PCP2: variants seen among roughly 807,000 people sequenced by gnomAD.
The protein encoded by PCP2 is Purkinje cell protein 2, also known as Purkinje cell protein 2 homolog.
A neutral mutation model predicts 18.3 loss-of-function variants in PCP2; 21 were observed. The observed-to-expected ratio is 1.14, with a 90% CI of 0.81 to 1.65. PCP2 has a LOEUF of 1.65. PCP2 is among the 40% of genes most tolerant of loss of function. The probability of loss-of-function intolerance (pLI) is 0.00; values close to 1 mark genes in which losing one functional copy is unlikely to be tolerated. For synonymous variants in PCP2, 85 were observed against 77.6 expected (o/e 1.10, Z -0.50); for missense variants, 202 against 201.8 (o/e 1.00, Z 0.00).
At position 7,632,360 on chromosome 19, in the gene PCP2, G is replaced by A; in HGVS notation, c.291+33C>T. The A allele has an allele frequency of 6.2e-7, 1 of 1,612,346 alleles. No individual in the cohort carries two copies. Among genetic ancestry groups the A allele is most frequent in the Non-Finnish European group, 8.5e-7 (1 of 1,179,532 alleles). On this transcript the variant is annotated intron_variant, in intron 3 of 3. Transcript: ENST00000311069. The surrounding 1 kb of genome is among the most constrained non-coding windows in gnomAD (Gnocchi z 5.2). ...AGGATCGGAGAGCACTGCCTGGCGG[G>A]TTTCTCCTCGACATCGCCAGAACAT...
At chr19:7,634,569 T>C (rs113525860), upstream of PCP2, among the ~76,000 whole-genome samples, 3 of 152,372 alleles carry the variant, frequency 2.0e-5, no homozygotes, top group Non-Finnish European at 4.4e-5. Flanking sequence ...GAGGTCTCAC[T>C]ATTTTGCCCA....
At chr19:7,635,073 G>T (rs963898395), upstream of PCP2, among the ~76,000 whole-genome samples, 3 of 152,230 alleles carry the variant, frequency 2.0e-5, no homozygotes. Flanking sequence ...ATCCTATTGT[G>T]GGGTATTGGG....
chr19:7,631,632 GTTTTATTC>G lies in PCP2; in HGVS notation c.*49_*56del. 6.9e-7 allele frequency: 1 copy of G among 1,455,106 alleles called. No individual in the cohort carries two copies. Among genetic ancestry groups the G allele is most frequent in the East Asian group, 2.6e-5 (1 of 38,022 alleles). The allele number at this position is 1,455,106 out of a possible 1,614,324, so 90.1% of individuals were successfully genotyped here. ...TCAGTTCCTTGTTATTCATTTAAGT[GTTTTATTC>G]TTTTATCAGTTTTTGGGGGCCGAGT... On this transcript the variant is annotated 3_prime_UTR_variant, in exon 4 of 4. Transcript: ENST00000311069.
chr19:7,635,890 C>A (rs938705941), upstream of PCP2, among the ~76,000 whole-genome samples: 2 of 152,268 alleles, frequency 1.3e-5, no homozygotes, highest in South Asian at 4.1e-4. Flanking sequence ...TGACCTTGTC[C>A]TACAGAAGTC....
chr19:7,632,357 C>A lies in PCP2; in HGVS notation c.291+36G>T, dbSNP rs148587333. 8 of 1,611,486 alleles carry A rather than the reference C, an allele frequency of 5.0e-6. No individual in the cohort carries two copies. The highest frequency in any genetic ancestry group is 6.8e-6 in the Non-Finnish European group (8 of 1,179,140). ...GGCAGGATCGGAGAGCACTGCCTGG[C>A]GGGTTTCTCCTCGACATCGCCAGAA... On this transcript the variant is annotated intron_variant, in intron 3 of 3. Coordinates refer to ENST00000311069, the MANE Select transcript of PCP2 (RefSeq NM_174895.3). The surrounding 1 kb of genome is among the most constrained non-coding windows in gnomAD (Gnocchi z 5.2).
At chr19:7,633,371 T>G in intron 1 of PCP2, 36 bp downstream of exon 1, 572 of 1,543,450 alleles carry the variant, frequency 3.7e-4, no homozygotes, top group Non-Finnish European at 4.6e-4. Flanking sequence ...TCTGAGACCT[T>G]GAGCTGGGGG....
chr19:7,633,295 CA>C, intron 1 of PCP2, 111 bp downstream of exon 1: 1 of 1,116,470 alleles, frequency 9.0e-7, no homozygotes. Flanking sequence ...ACAACTGGGT[CA>C]GGGGGTCCTA....
In PCP2 at chr19:7,633,040, G is replaced by A. The variant is rs566949988; in HGVS notation, c.52-210C>T. Reference sequence around the variant, plus strand: ...TCCCGGCCCCCGCCCCAGGGGCCCTGGCCAGCAGTGCCACTTCACGTGGTA... The same window carrying A: ...TCCCGGCCCCCGCCCCAGGGGCCCTAGCCAGCAGTGCCACTTCACGTGGTA... On this transcript the variant is annotated intron_variant, in intron 1 of 3. Coordinates refer to ENST00000311069, the MANE Select transcript of PCP2 (RefSeq NM_174895.3). 516 of 1,417,950 alleles carry A rather than the reference G, an allele frequency of 3.6e-4. 4 individuals are homozygous for A. The South Asian group carries it at 7.1e-3, about 19-fold the overall frequency. The allele number at this position is 1,417,950 out of a possible 1,614,324, so 87.8% of individuals were successfully genotyped here.
Position 7,632,457 on chromosome 19 carries a change from C to G in PCP2, c.227G>C (p.Arg76Pro). ...TGTCACACGTTGGTCATCCATGCGG[C>G]GGCCCTGGGTACTGGCCAGCATGTC... is the stretch of plus-strand genomic sequence containing the variant. ...LMDMLASTQG[R>P]RMDDQRVTVS... The change falls in exon 3 of 4, where the codon CGC (arginine) becomes CCC (proline). Residue 76 changes from arginine to proline, a missense_variant. Physicochemically the swap from Arg to Pro is moderately radical, Grantham distance 103. Transcript: ENST00000311069. The surrounding 1 kb of genome is among the most constrained non-coding windows in gnomAD (Gnocchi z 5.2). The G allele has an allele frequency of 6.2e-7, 1 of 1,613,800 alleles. No individual in the cohort carries two copies.
At position 7,632,681 on chromosome 19, in the gene PCP2, C is replaced by T. The variant is rs780028440; in HGVS notation, c.166+35G>A. 1.1e-5 allele frequency: 17 copies of T among 1,548,464 alleles called. No individual in the cohort carries two copies. The highest frequency in any genetic ancestry group is 4.8e-5 in the East Asian group (2 of 41,648). ...TTGCCCTGCACTCCCACCCCGTTCA[C>T]GCCCCATGGACAGCACCCCCGTGCC... On this transcript the variant is annotated intron_variant, in intron 2 of 3. Transcript: ENST00000311069. The surrounding 1 kb of genome is among the most constrained non-coding windows in gnomAD (Gnocchi z 5.2).
chr19:7,633,442 C>T lies in PCP2; in HGVS notation c.16G>A (p.Glu6Lys), dbSNP rs758853046. The T allele has an allele frequency of 3.2e-6, 5 of 1,577,258 alleles. No individual in the cohort carries two copies. The highest frequency in any genetic ancestry group is 2.7e-5 in the African/African-American group (2 of 74,484). MMDQE[E>K]KTEEGSGPCA... ...GGGCCTGAGCCTTCCTCCGTCTTCT[C>T]CTCCTGATCCATCATGTCCCTGGAC... The change falls in exon 1 of 4, where the codon GAG becomes AAG. Residue 6 changes from glutamate to lysine, a missense_variant. Glu to Lys is a moderately conservative substitution (Grantham distance 56). Transcript: ENST00000311069.
Position 7,632,299 on chromosome 19 carries a change from G to T in PCP2, c.291+94C>A, listed in dbSNP as rs1206216366. On this transcript the variant is annotated intron_variant, in intron 3 of 3. Coordinates refer to ENST00000311069, the MANE Select transcript of PCP2 (RefSeq NM_174895.3). This position sits in a 1 kb window ranked among gnomAD's most constrained non-coding sequence, Gnocchi z 5.2. ...CAGGGCAGCGGATGGACAGAGATGG[G>T]GCAGGCCCTGTTCCCTCCTGGCTGG... The T allele has an allele frequency of 1.9e-6, 3 of 1,551,758 alleles. No homozygotes were observed. The East Asian group carries it at 6.7e-5, about 35-fold the overall frequency.
Position 7,632,883 on chromosome 19 carries a change from C to G in PCP2, c.52-53G>C, listed in dbSNP as rs2031386310. ...GGCCCTTCAGCTTGGGGGCCCCTCCCCAAACTTCCTAGCCAGCTTGCTCAC... is the reference window on the plus strand; with the variant it reads ...GGCCCTTCAGCTTGGGGGCCCCTCCGCAAACTTCCTAGCCAGCTTGCTCAC... On this transcript the variant is annotated intron_variant, in intron 1 of 3. Coordinates refer to ENST00000311069, the MANE Select transcript of PCP2 (RefSeq NM_174895.3). This position sits in a 1 kb window ranked among gnomAD's most constrained non-coding sequence, Gnocchi z 5.2. 6.5e-7 allele frequency: 1 copy of G among 1,532,706 alleles called. No homozygotes were observed. The allele number at this position is 1,532,706 out of a possible 1,614,324, so 94.9% of individuals were successfully genotyped here.
chr19:7,631,802 C>T lies in PCP2; in HGVS notation c.298G>A (p.Ala100Thr). 1 of 1,414,308 alleles carries T rather than the reference C, an allele frequency of 7.1e-7. No individual in the cohort carries two copies. The highest frequency in any genetic ancestry group is 9.3e-7 in the Non-Finnish European group (1 of 1,079,892). The allele number at this position is 1,414,308 out of a possible 1,614,324, so 87.6% of individuals were successfully genotyped here. A position where few individuals can be genotyped will look rare whatever the true frequency, so the allele number is the denominator to read the frequency against. The part of the protein sequence containing the change: ...GFQPVGSKDG[A>T]QKRAGTLSPQ... ...CTGAGGGTCCCAGCTCGTTTCTGTG[C>T]TCCGTCCTGTGGATGAAGAGGGGTC... is the stretch of plus-strand genomic sequence containing the variant. Residue 100 changes from alanine to threonine, a missense_variant, in exon 4 of 4, where the codon GCA (alanine) becomes ACA (threonine). Ala to Thr is a moderately conservative substitution (Grantham distance 58). Transcript: ENST00000311069.
chr19:7,633,000 G>A lies in PCP2; in HGVS notation c.52-170C>T. The A allele has an allele frequency of 1.5e-6, 1 of 678,704 alleles. No homozygotes were observed. The highest frequency in any genetic ancestry group is 2.9e-5 in the South Asian group (1 of 34,904). The allele number at this position is 678,704 out of a possible 1,614,324, so 42.0% of individuals were successfully genotyped here. A position where few individuals can be genotyped will look rare whatever the true frequency, so the allele number is the denominator to read the frequency against. ...TGCAGAGCTGTTCTGAATGAGACAT[G>A]AGTCTCCTTCCCAATCCCGGCCCCC... On this transcript the variant is annotated intron_variant, in intron 1 of 3. Coordinates refer to ENST00000311069, the MANE Select transcript of PCP2 (RefSeq NM_174895.3). This position sits in a 1 kb window ranked among gnomAD's most constrained non-coding sequence, Gnocchi z 5.2.
chr19:7,633,581 C>T lies in PCP2; in HGVS notation c.-124G>A. The T allele has an allele frequency of 1.2e-6, 1 of 842,962 alleles. No homozygotes were observed. The highest frequency in any genetic ancestry group is 1.6e-5 in the South Asian group (1 of 61,340). 52.2% of individuals were successfully genotyped at this position (842,962 alleles called of 1,614,324 possible). ...CATCCCCAAATCCCCAGCTCATGCC[C>T]CATCTGCTCCCACCCAAGCTTAAGC... On this transcript the variant is annotated 5_prime_UTR_variant, in exon 1 of 4. Transcript: ENST00000311069.
Position 7,632,777 on chromosome 19 carries a change from G to A in PCP2, c.105C>T (p.Gly35=), listed in dbSNP as rs141790809. ...AACAGCGCTGTCCCTCCATCCGGTC[G>A]CCCTGCACGTGGCTCAGCAGATTGA... ...GFFNLLSHVQ[G]DRMEGQRCSL... The change falls in exon 2 of 4, where the codon GGC becomes GGT. Residue 35 remains glycine (G), a synonymous_variant. Transcript: ENST00000311069. The surrounding 1 kb of genome is among the most constrained non-coding windows in gnomAD (Gnocchi z 5.2). The A allele has an allele frequency of 1.1e-3, 1,655 of 1,566,734 alleles. 3 individuals carry two copies. Among genetic ancestry groups the A allele is most frequent in the East Asian group, 3.9e-3 (164 of 42,300 alleles).
rs2146195468 is a variant in PCP2, at chr19:7,632,062, A to G, written c.292-254T>C. ...GAAGTCAACAGATGTGAGTATACAG[A>G]TGTATATATCCTATGTGTGAGCTTA... is the stretch of plus-strand genomic sequence containing the variant. On this transcript the variant is annotated intron_variant, in intron 3 of 3. Transcript: ENST00000311069. This position sits in a 1 kb window ranked among gnomAD's most constrained non-coding sequence, Gnocchi z 5.2. 5 of 533,514 alleles carry G rather than the reference A, an allele frequency of 9.4e-6. No individual in the cohort carries two copies. The highest frequency in any genetic ancestry group is 1.6e-5 in the Non-Finnish European group (5 of 304,872). The allele number at this position is 533,514 out of a possible 1,614,324, so 33.0% of individuals were successfully genotyped here.
chr19:7,633,051 C>T (rs566095796), intron 1 of PCP2: 3 of 1,395,796 alleles, frequency 2.1e-6, no homozygotes, highest in East Asian at 2.5e-5. Context: ...GCCAGCAGTG[C>T]CACTTCACGT....
Sources: gnomAD v4.1 joint callset for allele counts (sites outside exome capture counted in the v4.1 genomes callset) on GRCh38, gnomAD v4.1.1 for gene constraint, Gnocchi (gnomAD v3.1) non-coding constraint, MANE v1.5 for transcripts, NCBI Gene and HGNC (gene_info 2026-07-23, HGNC 2026-07-21) for gene names.